The following MPPED2 variants were observed in gnomAD, a reference collection of about 807,000 sequenced individuals.
MPPED2 encodes the protein metallophosphoesterase MPPED2.
A neutral mutation model predicts 33.0 loss-of-function variants in MPPED2; 5 were observed. That is an observed-to-expected ratio of 0.15 (90% CI 0.08 to 0.32). The LOEUF (loss-of-function observed/expected upper bound fraction) is 0.32. Ranked by LOEUF, MPPED2 falls within the 10% of genes least tolerant of loss-of-function variation. The pLI is 1.00. For missense variants in MPPED2, 275 were observed against 372.1 expected (o/e 0.74, Z 2.15); for synonymous variants, 136 against 141.9 (o/e 0.96, Z 0.29).
At chr11:30,431,935 G>A (rs541174921) in intron 4 of MPPED2, among the ~76,000 whole-genome samples, 3 of 152,224 alleles carry the variant, frequency 2.0e-5, no homozygotes, top group South Asian at 4.2e-4. Context: ...AGCACTTTGG[G>A]AGGCCAAGGT....
intron 2 of MPPED2, among the ~76,000 whole-genome samples, chr11:30,539,666 G>A (rs1954996448): frequency 6.6e-6 from 1 of 152,122 alleles, no homozygotes; most frequent in Non-Finnish European, 1.5e-5. Flanking sequence ...TATCACCCAG[G>A]CTGGAGTGCA....
intron 6 of MPPED2, among the ~76,000 whole-genome samples, chr11:30,400,281 GC>G (rs1480363952): frequency 1.3e-5 from 2 of 152,036 alleles, no homozygotes; most frequent in Non-Finnish European, 2.9e-5. Context: ...TTGCTATGTT[GC>G]CCAGGCTGGT....
chr11:30,394,054 T>C (rs1947811433), intron 6 of MPPED2, among the ~76,000 whole-genome samples: 2 of 152,222 alleles, frequency 1.3e-5, no homozygotes, highest in African/African-American at 2.4e-5. Context: ...CTTCTTTCAC[T>C]CAGCATAATG....
rs76749198 is a variant in MPPED2 at position 30,513,955 on chromosome 11, G to A, written c.311-18434C>T. Among the ~76,000 whole-genome samples, 768 of 152,116 alleles carry A rather than the reference G, an allele frequency of 5.0e-3. 5 individuals carry two copies. Among genetic ancestry groups the A allele is most frequent in the African/African-American group, 0.017 (695 of 41,496 alleles). On this transcript the variant is annotated intron_variant, in intron 3 of 6. Transcript: ENST00000358117. ...AGTGCTGTCTCCTGCCATACCCAAGGGACTCCATTCTAGGAAGACCATAGG... is the reference window on the plus strand; with the variant it reads ...AGTGCTGTCTCCTGCCATACCCAAGAGACTCCATTCTAGGAAGACCATAGG...
intron 4 of MPPED2, among the ~76,000 whole-genome samples, chr11:30,439,398 T>A (rs1422532494): frequency 1.3e-5 from 2 of 152,202 alleles, no homozygotes; most frequent in East Asian, 3.9e-4. Flanking sequence ...AGAAATAGTC[T>A]ACATTTGCTG....
At chr11:30,460,963 G>A (rs747907805) in intron 4 of MPPED2, among the ~76,000 whole-genome samples, 14 of 152,188 alleles carry the variant, frequency 9.2e-5, no homozygotes, top group African/African-American at 3.4e-4. Flanking sequence ...TAGTCAATAG[G>A]TGGAAGCAAC....
intron 2 of MPPED2, among the ~76,000 whole-genome samples, chr11:30,575,647 T>C (rs1235674187): frequency 6.6e-6 from 1 of 152,194 alleles, no homozygotes; most frequent in African/African-American, 2.4e-5. Flanking sequence ...TAACCACAGA[T>C]AGAGATAGGA....
intron 3 of MPPED2, among the ~76,000 whole-genome samples, chr11:30,530,078 C>T (rs568994721): frequency 1.1e-4 from 16 of 152,300 alleles, no homozygotes; most frequent in African/African-American, 3.4e-4. Context: ...AAACTTTTGA[C>T]TGAAAGAATA....
chr11:30,416,020 T>G (rs1010543663), intron 5 of MPPED2, among the ~76,000 whole-genome samples: 4 of 152,250 alleles, frequency 2.6e-5, no homozygotes, highest in Non-Finnish European at 5.9e-5. Context: ...CTCATGCTGA[T>G]CACAATATTT....
At chr11:30,458,713 C>T (rs1179093780) in intron 4 of MPPED2, among the ~76,000 whole-genome samples, 1 of 152,108 alleles carries the variant, frequency 6.6e-6, no homozygotes. Flanking sequence ...GTGCCAATTT[C>T]CTGCTCTACC....
chr11:30,421,680 A>G (rs779925671), intron 4 of MPPED2, among the ~76,000 whole-genome samples: 1 of 152,162 alleles, frequency 6.6e-6, no homozygotes, highest in African/African-American at 2.4e-5. Context: ...CTGAACCCAG[A>G]TCTGCTGGCT....
At chr11:30,384,542 G>C (rs1341702461) in exon 7 of MPPED2, 4 of 149,298 alleles carry the variant, frequency 2.7e-5, no homozygotes, top group African/African-American at 9.9e-5. Context: ...GCACGACCTC[G>C]GGGCTCACTG....
intron 3 of MPPED2, among the ~76,000 whole-genome samples, chr11:30,499,276 T>A (rs557146691): frequency 1.3e-5 from 2 of 152,244 alleles, no homozygotes; most frequent in Non-Finnish European, 2.9e-5. Context: ...AGGTTGAGCA[T>A]CCTTTATCTG....
intron 3 of MPPED2, among the ~76,000 whole-genome samples, chr11:30,518,197 G>C (rs770447295): frequency 1.1e-4 from 17 of 152,150 alleles, no homozygotes; most frequent in Non-Finnish European, 2.2e-4. Context: ...ACAGTCTCCA[G>C]CCTCTCTGAG....
chr11:30,540,712 T>C (rs1336018349), intron 2 of MPPED2, among the ~76,000 whole-genome samples: 1 of 152,108 alleles, frequency 6.6e-6, no homozygotes, highest in Non-Finnish European at 1.5e-5. Context: ...GAATCCATGG[T>C]CTTTAATATA....
At chr11:30,499,590 A>G (rs1366679151) in intron 3 of MPPED2, among the ~76,000 whole-genome samples, 1 of 152,150 alleles carries the variant, frequency 6.6e-6, no homozygotes, top group Non-Finnish European at 1.5e-5. Flanking sequence ...CTCTCTCTAT[A>G]CATTGAATCC....
At chr11:30,578,427 A>G (rs757086592) in intron 2 of MPPED2, among the ~76,000 whole-genome samples, 1 of 152,210 alleles carries the variant, frequency 6.6e-6, no homozygotes, top group Non-Finnish European at 1.5e-5. Context: ...CCCCATTTTC[A>G]AGCCATTTTT....
At chr11:30,425,522 C>T (rs7109261) in intron 4 of MPPED2, 36,019 of 152,060 alleles carry the variant, frequency 0.24, 7,056 homozygotes, top group African/African-American at 0.55. Flanking sequence ...TTTCCTTCTA[C>T]ATGGCTGTAA....
chr11:30,548,496 A>G (rs1955545376), intron 2 of MPPED2, among the ~76,000 whole-genome samples: 2 of 152,346 alleles, frequency 1.3e-5, no homozygotes, highest in African/African-American at 4.8e-5. Flanking sequence ...CTGGGATTAC[A>G]GGTGTTAGCC....
Sources: allele counts gnomAD v4.1 joint callset (sites outside exome capture counted in the v4.1 genomes callset), GRCh38; gene constraint gnomAD v4.1.1; transcripts MANE v1.5; gene names NCBI Gene and HGNC (gene_info 2026-07-23, HGNC 2026-07-21).